PKHD1: variants seen among roughly 807,000 people sequenced by gnomAD.
The protein encoded by PKHD1 is fibrocystin.
Under a neutral mutation model 412.0 loss-of-function variants are expected in PKHD1, and 291 were observed. The ratio of observed to expected loss-of-function variants is 0.71; its 90% CI spans 0.64 to 0.78. The LOEUF (loss-of-function observed/expected upper bound fraction) is 0.78. Ranked by LOEUF, PKHD1 falls within the 30% of genes least tolerant of loss-of-function variation. The pLI is 0.00. For synonymous variants in PKHD1, 1,777 were observed against 1,821.5 expected, an observed-to-expected ratio of 0.98 and a Z score of 0.62; for missense variants, 4,825 against 4,950.7, an observed-to-expected ratio of 0.97 and a Z score of 0.76.
At chr6:52,042,138 G>T (rs1382202065) in intron 27 of PKHD1, among the ~76,000 whole-genome samples, 1 of 152,142 alleles carries the variant, frequency 6.6e-6, no homozygotes, top group African/African-American at 2.4e-5. Flanking sequence ...AGTTATGCTT[G>T]CTTTGTTTTA....
intron 43 of PKHD1, among the ~76,000 whole-genome samples, chr6:51,901,934 C>T (rs910775224): frequency 1.3e-5 from 2 of 152,086 alleles, no homozygotes; most frequent in Non-Finnish European, 2.9e-5. Context: ...GGGTATTATT[C>T]TACAGGTCAT....
At chr6:51,652,472 C>A (rs183871318) in intron 61 of PKHD1, among the ~76,000 whole-genome samples, 1 of 152,044 alleles carries the variant, frequency 6.6e-6, no homozygotes, top group East Asian at 1.9e-4. Flanking sequence ...CTTCAACCTT[C>A]TTCTCAAAGC....
At chr6:51,628,401 T>G (rs1767540729) in intron 65 of PKHD1, among the ~76,000 whole-genome samples, 1 of 152,216 alleles carries the variant, frequency 6.6e-6, no homozygotes, top group South Asian at 2.1e-4. Context: ...CTGCAAAGGA[T>G]GCGATTTCAT....
intron 4 of PKHD1, among the ~76,000 whole-genome samples, chr6:52,081,253 C>A (rs993251441): frequency 5.3e-5 from 8 of 152,288 alleles, no homozygotes; most frequent in African/African-American, 1.9e-4. Context: ...CAAGTCTTTG[C>A]AGAATGTCTA....
intron 63 of PKHD1, 48 bp downstream of exon 63, chr6:51,647,983 C>T (rs1219413366): frequency 9.5e-7 from 1 of 1,047,738 alleles, no homozygotes; most frequent in African/African-American, 1.6e-5. Flanking sequence ...ATTTTCTGTG[C>T]AGATAAAGTG....
At chr6:51,883,010 G>C (rs1047763207) in intron 46 of PKHD1, 83 bp downstream of exon 46, 1 of 1,010,106 alleles carries the variant, frequency 9.9e-7, no homozygotes, top group Non-Finnish European at 1.6e-6. Flanking sequence ...TATTAAAATT[G>C]CATATCCTGG....
chr6:51,634,440 C>A (rs2580024), intron 64 of PKHD1, among the ~76,000 whole-genome samples: 22 of 152,276 alleles, frequency 1.4e-4, no homozygotes, highest in Admixed American at 4.6e-4. Context: ...GGGGAATAGA[C>A]TTTACTTGGG....
At chr6:51,745,545 G>T (rs1785082454) in intron 59 of PKHD1, among the ~76,000 whole-genome samples, 1 of 151,964 alleles carries the variant, frequency 6.6e-6, no homozygotes, top group South Asian at 2.1e-4. Context: ...AGAACTATAA[G>T]AAATAAATTT....
intron 6 of PKHD1, among the ~76,000 whole-genome samples, chr6:52,073,801 T>C (rs1305284767): frequency 6.6e-6 from 1 of 152,180 alleles, no homozygotes. Flanking sequence ...ATAGAAGGAA[T>C]AATGGGTCTT....
At chr6:51,989,747 T>C (rs116059821) in intron 35 of PKHD1, among the ~76,000 whole-genome samples, 1 of 151,000 alleles carries the variant, frequency 6.6e-6, no homozygotes, top group Non-Finnish European at 1.5e-5. Context: ...ATTAGACCAT[T>C]AAAATACCTC....
chr6:51,780,015 A>C (rs562959116), intron 53 of PKHD1, among the ~76,000 whole-genome samples: 1 of 149,282 alleles, frequency 6.7e-6, no homozygotes, highest in East Asian at 2.0e-4. Context: ...TTCCATCAAA[A>C]TTTACAATTC....
chr6:52,084,871 A>G lies in PKHD1; in HGVS notation c.52+11T>C. 6.4e-7 allele frequency: 1 copy of G among 1,557,566 alleles called. No homozygotes were observed. The highest frequency in any genetic ancestry group is 8.9e-7 in the Non-Finnish European group (1 of 1,128,526). Reference sequence around the variant, plus strand: ...CTTACCTATAATTCCTTCAAAACACATTCTACTGACCTGCCAAAAGTAGTA... The same window carrying G: ...CTTACCTATAATTCCTTCAAAACACGTTCTACTGACCTGCCAAAAGTAGTA... On this transcript the variant is annotated intron_variant, in intron 2 of 66. Coordinates refer to ENST00000371117, the MANE Select transcript of PKHD1 (RefSeq NM_138694.4).
At chr6:52,013,146 C>A (rs556702265) in intron 34 of PKHD1, among the ~76,000 whole-genome samples, 1 of 152,184 alleles carries the variant, frequency 6.6e-6, no homozygotes, top group African/African-American at 2.4e-5. Context: ...GACCAACTTC[C>A]TTCTACATCC....
rs116620031 is a variant in PKHD1 at position 51,759,668 on chromosome 6, G to A, written c.8643-4730C>T. ...TTGTACTTTCGACTTAAAGAGCCCCGATTGCCACAATAGCTGCCCTGTCTT... is the reference window on the plus strand; with the variant it reads ...TTGTACTTTCGACTTAAAGAGCCCCAATTGCCACAATAGCTGCCCTGTCTT... On this transcript the variant is annotated intron_variant, in intron 55 of 66. Transcript: ENST00000371117. Among the ~76,000 whole-genome samples, 1,272 of 152,174 alleles carry A rather than the reference G, an allele frequency of 8.4e-3. 7 individuals are homozygous for A. Among genetic ancestry groups the A allele is most frequent in the Non-Finnish European group, 0.012 (826 of 67,972 alleles).
intron 55 of PKHD1, among the ~76,000 whole-genome samples, chr6:51,758,729 T>C (rs2151045073): frequency 6.6e-6 from 1 of 152,186 alleles, no homozygotes. Flanking sequence ...TCTAAGAAAA[T>C]ATAAACAAAA....
At chr6:51,676,601 C>A (rs113222234) in intron 60 of PKHD1, among the ~76,000 whole-genome samples, 1,882 of 115,332 alleles carry the variant, frequency 0.016, 32 homozygotes, top group African/African-American at 0.049. Flanking sequence ...AACATTTATA[C>A]CTCATTTGAT....
chr6:51,823,626 G>A (rs9463720), intron 52 of PKHD1, among the ~76,000 whole-genome samples: 88,875 of 151,846 alleles, frequency 0.59, 26,731 homozygotes, highest in Middle Eastern at 0.75. Flanking sequence ...AATTAAGATT[G>A]GAAAAAGAAT....
At chr6:51,643,684 A>ATTATTTTATT (rs915030032) in intron 63 of PKHD1, among the ~76,000 whole-genome samples, 1 of 152,222 alleles carries the variant, frequency 6.6e-6, no homozygotes, top group East Asian at 1.9e-4. Flanking sequence ...GTTTGTTTTA[A>ATTATTTTATT]TTATTTTATT....
chr6:51,616,588 A>G lies in PKHD1; in HGVS notation c.*2493T>C. 1 of 396,426 alleles carries G rather than the reference A, an allele frequency of 2.5e-6. No homozygotes were observed. The highest frequency in any genetic ancestry group is 3.6e-5 in the East Asian group (1 of 27,632). 24.6% of individuals were successfully genotyped at this position (396,426 alleles called of 1,614,324 possible). A position where few individuals can be genotyped will look rare whatever the true frequency, so the allele number is the denominator to read the frequency against. On this transcript the variant is annotated 3_prime_UTR_variant, in exon 67 of 67. Coordinates refer to ENST00000371117, the MANE Select transcript of PKHD1 (RefSeq NM_138694.4). ...AACTATGGGTTGAGGAATTTTAGCT[A>G]GATGCCAAAATTCCATGCCACATGC...
Sources: gnomAD v4.1 joint callset for allele counts (sites outside exome capture counted in the v4.1 genomes callset) on GRCh38, gnomAD v4.1.1 for gene constraint, MANE v1.5 for transcripts, NCBI Gene and HGNC (gene_info 2026-07-23, HGNC 2026-07-21) for gene names.